Variants in TTLL5 observed in about 807,000 individuals in gnomAD.
TTLL5 encodes the protein tubulin tyrosine ligase like 5.
Under a neutral mutation model 168.4 loss-of-function variants are expected in TTLL5, and 132 were observed. The observed-to-expected ratio is 0.78, with a 90% confidence interval of 0.68 to 0.91. The LOEUF (loss-of-function observed/expected upper bound fraction) is 0.91, where lower values mean the gene tolerates loss of function less well. Ranked by LOEUF, TTLL5 falls within the 40% of genes least tolerant of loss-of-function variation. The pLI is 0.00. For missense variants in TTLL5, 1,545 were observed against 1,581.5 expected (o/e 0.98, Z 0.39); for synonymous variants, 546 against 558.6 (o/e 0.98, Z 0.32).
chr14:75,805,122 C>T (rs1034348655), intron 27 of TTLL5, among the ~76,000 whole-genome samples: 2 of 152,178 alleles, frequency 1.3e-5, no homozygotes, highest in African/African-American at 4.8e-5. Flanking sequence ...GTCCATCTCT[C>T]TCTCAAAGGC....
intron 28 of TTLL5, among the ~76,000 whole-genome samples, chr14:75,840,986 C>T (rs1896197910): frequency 6.6e-6 from 1 of 152,156 alleles, no homozygotes; most frequent in African/African-American, 2.4e-5. Context: ...TGAAGGGGAG[C>T]AGGTATGTCA....
At chr14:75,689,532 C>A (rs1885299986) in intron 5 of TTLL5, 1 of 152,168 alleles carries the variant, frequency 6.6e-6, no homozygotes, top group Non-Finnish European at 1.5e-5. Context: ...ATATAAAAAT[C>A]TATATGGAAA....
At chr14:75,934,966 A>G (rs1002100785) in intron 31 of TTLL5, among the ~76,000 whole-genome samples, 3 of 152,250 alleles carry the variant, frequency 2.0e-5, no homozygotes, top group Non-Finnish European at 2.9e-5. Flanking sequence ...GGAGATAAAT[A>G]TAAAGCAGCA....
chr14:75,951,367 C>A (rs1480598450), intron 31 of TTLL5, among the ~76,000 whole-genome samples: 1 of 152,040 alleles, frequency 6.6e-6, no homozygotes, highest in Admixed American at 6.6e-5. Flanking sequence ...AAATACATAA[C>A]CTTTTCTGTA....
chr14:75,692,438 CA>C (rs1371847369), intron 6 of TTLL5, among the ~76,000 whole-genome samples: 1 of 151,962 alleles, frequency 6.6e-6, no homozygotes, highest in African/African-American at 2.4e-5. Context: ...ATTAGTTAAA[CA>C]ATACTAATTA....
chr14:75,905,016 C>A (rs1370795145), intron 31 of TTLL5, among the ~76,000 whole-genome samples: 2 of 152,168 alleles, frequency 1.3e-5, no homozygotes, highest in Non-Finnish European at 2.9e-5. Context: ...TTCTGTATTA[C>A]AAGTAGATTT....
In TTLL5 at chr14:75,663,219, C is replaced by T. The variant is rs1890865510; in HGVS notation, c.70C>T (p.Gln24Ter). 1 of 1,611,926 alleles carries T rather than the reference C, an allele frequency of 6.2e-7. No individual in the cohort carries two copies. Among genetic ancestry groups the T allele is most frequent in the Non-Finnish European group, 8.5e-7 (1 of 1,179,170 alleles). ...SSSEDEEVIS[Q>*]EDHPCIMWTG... Reference sequence around the variant, plus strand: ...CTCAGAGGATGAGGAGGTCATAAGTCAAGAGTAAGTAATAGCAAGCCTGCT... The same window carrying T: ...CTCAGAGGATGAGGAGGTCATAAGTTAAGAGTAAGTAATAGCAAGCCTGCT... The change falls in exon 2 of 32, where the codon CAA becomes TAA. Residue 24 changes from glutamine (Q) to a stop codon, truncating the protein, a stop_gained. Coordinates refer to ENST00000298832, the MANE Select transcript of TTLL5 (RefSeq NM_015072.5). LOFTEE classifies it high-confidence loss of function.
intron 31 of TTLL5, among the ~76,000 whole-genome samples, chr14:75,910,852 A>G (rs542568551): frequency 3.3e-4 from 51 of 152,348 alleles, no homozygotes; most frequent in African/African-American, 1.2e-3. Context: ...AGTCCTCAAA[A>G]TGAAGAGCAT....
chr14:75,842,165 A>G (rs774142072), intron 28 of TTLL5, among the ~76,000 whole-genome samples: 50 of 152,150 alleles, frequency 3.3e-4, no homozygotes, highest in South Asian at 8.3e-4. Context: ...ATTTTTATAG[A>G]TGCTGTCAAA....
rs181670805 is a variant in TTLL5 at position 75,941,828 on chromosome 14, A to G, written c.3824-12596A>G. ...GGCTTAGGGCCTTCTTTATTGGCAG[A>G]AAATTCATGATGAACTTTTTTTTTT... On this transcript the variant is annotated intron_variant, in intron 31 of 31. Coordinates refer to ENST00000298832, the MANE Select transcript of TTLL5 (RefSeq NM_015072.5). Among the ~76,000 whole-genome samples the G allele has an allele frequency of 5.3e-3, 790 of 148,276 alleles. 12 individuals are homozygous for G. Among genetic ancestry groups the G allele is most frequent in the South Asian group, 0.027 (127 of 4,688 alleles).
intron 18 of TTLL5, among the ~76,000 whole-genome samples, chr14:75,764,329 C>T (rs1890832621): frequency 6.6e-6 from 1 of 152,144 alleles, no homozygotes; most frequent in Admixed American, 6.5e-5. Context: ...TTGGGTGGCA[C>T]TTTATAATCC....
intron 29 of TTLL5, among the ~76,000 whole-genome samples, chr14:75,876,296 T>G (rs1244553962): frequency 6.6e-6 from 1 of 152,258 alleles, no homozygotes; most frequent in African/African-American, 2.4e-5. Context: ...TAGTTGTAAT[T>G]ATCTTCATTG....
At chr14:75,727,753 C>A in intron 12 of TTLL5, 6 of 410,200 alleles carry the variant, frequency 1.5e-5, no homozygotes, top group Non-Finnish European at 3.0e-5. Context: ...TGAAAGAAAC[C>A]AGACTCAAAA....
intron 27 of TTLL5, among the ~76,000 whole-genome samples, chr14:75,818,994 T>G (rs974296535): frequency 6.6e-6 from 1 of 152,228 alleles, no homozygotes; most frequent in Non-Finnish European, 1.5e-5. Flanking sequence ...ATTCTTGTTC[T>G]GCCATTTATT....
At position 75,779,565 on chromosome 14, in the gene TTLL5, C is replaced by T. The variant is rs1266790286; in HGVS notation, c.2388-10C>T. 1.2e-6 allele frequency: 2 copies of T among 1,611,090 alleles called. No homozygotes were observed. The highest frequency in any genetic ancestry group is 3.4e-5 in the Admixed American group (2 of 59,204). The stretch of plus-strand genomic sequence containing the variant: ...TTCCTGTCTGACCATACTTTTTCTC[C>T]TCATTTCAGTGAGGCTGAACTGGAG... On this transcript the variant is annotated splice_polypyrimidine_tract_variant and intron_variant, in intron 23 of 31. Transcript: ENST00000298832.
At chr14:75,950,334 C>A (rs754022363) in intron 31 of TTLL5, among the ~76,000 whole-genome samples, 9 of 152,150 alleles carry the variant, frequency 5.9e-5, no homozygotes, top group Admixed American at 5.9e-4. Flanking sequence ...AGGACCAGAT[C>A]ATTATAGTCA....
At chr14:75,879,630 T>TAC (rs1171431306) in intron 29 of TTLL5, among the ~76,000 whole-genome samples, 1 of 152,204 alleles carries the variant, frequency 6.6e-6, no homozygotes, top group Non-Finnish European at 1.5e-5. Context: ...GTGAAGTAAT[T>TAC]TTAACTGCTT....
intron 31 of TTLL5, among the ~76,000 whole-genome samples, chr14:75,934,380 T>G (rs1361470477): frequency 2.0e-5 from 3 of 152,238 alleles, no homozygotes; most frequent in African/African-American, 7.2e-5. Context: ...TTTTACGTGA[T>G]ACTGTAGATT....
At chr14:75,911,034 G>GT (rs1279525978) in intron 31 of TTLL5, among the ~76,000 whole-genome samples, 2 of 151,868 alleles carry the variant, frequency 1.3e-5, no homozygotes, top group African/African-American at 2.4e-5. Context: ...TTTTGTTTTT[G>GT]TTTTTTTGAG....
Sources: allele counts gnomAD v4.1 joint callset (sites outside exome capture counted in the v4.1 genomes callset), GRCh38; gene constraint gnomAD v4.1.1; transcripts MANE v1.5; gene names NCBI Gene and HGNC (gene_info 2026-07-23, HGNC 2026-07-21).